The following GOLGA7 variants were observed in gnomAD, a reference collection of about 807,000 sequenced individuals.
GOLGA7 encodes the protein golgin A7.
In GOLGA7, 10 loss-of-function variants were observed where a neutral mutation model predicts 21.1. The ratio of observed to expected loss-of-function variants is 0.47; its 90% CI spans 0.29 to 0.80. GOLGA7 has a LOEUF of 0.80. GOLGA7 is among the 30% of genes least tolerant of loss of function. The pLI, the probability that GOLGA7 is intolerant of heterozygous loss-of-function variation, is 0.08. For missense variants in GOLGA7, 114 were observed against 166.8 expected, an observed-to-expected ratio of 0.68 and a Z score of 1.74; for synonymous variants, 64 against 62.6, an observed-to-expected ratio of 1.02 and a Z score of -0.10.
chr8:41,500,892 A>T (rs1470905781), intron 2 of GOLGA7, among the ~76,000 whole-genome samples: 1 of 152,152 alleles, frequency 6.6e-6, no homozygotes, highest in Non-Finnish European at 1.5e-5. Context: ...GCTCCAAGGG[A>T]TATGTTGATA....
Position 41,491,092 on chromosome 8 carries a change from G to C in GOLGA7, c.111+127G>C, listed in dbSNP as rs1024494741. 1.1e-5 allele frequency: 7 copies of C among 648,592 alleles called. No homozygotes were observed. The African/African-American group carries it at 1.3e-4, about 12-fold the overall frequency. 40.2% of individuals were successfully genotyped at this position (648,592 alleles called of 1,614,324 possible). On this transcript the variant is annotated intron_variant, in intron 1 of 4. Coordinates refer to ENST00000357743, the MANE Select transcript of GOLGA7 (RefSeq NM_001002296.2). ...TCTGGGGAGGTCCAGGCACAGAAGG[G>C]GCCTTGGCCAAACGTGTAAGAAGAG...
chr8:41,509,633 T>G lies in GOLGA7; in HGVS notation c.*65T>G, dbSNP rs182051259. 4.6e-5 allele frequency: 7 copies of G among 152,644 alleles called. No individual in the cohort carries two copies. In the East Asian group the frequency reaches 1.4e-3, roughly 29 times the overall value. 9.5% of individuals were successfully genotyped at this position (152,644 alleles called of 1,614,324 possible). On this transcript the variant is annotated 3_prime_UTR_variant, in exon 5 of 5. Transcript: ENST00000357743. ...ATGTATCCACTGGCCGACCGCAGAG[T>G]GTCCCTACCTCCTCTCCAGAGCATC...
chr8:41,502,439 A>G (rs1029595175), intron 2 of GOLGA7: 28 of 152,228 alleles, frequency 1.8e-4, no homozygotes, highest in African/African-American at 6.5e-4. Context: ...CACTAGAACA[A>G]TCATGCATTT....
At chr8:41,505,716 G>C (rs771342586) in intron 2 of GOLGA7, 195 bp from the exon 3 acceptor site, 14 of 459,676 alleles carry the variant, frequency 3.0e-5, no homozygotes, top group Non-Finnish European at 5.0e-5. Flanking sequence ...TTTTTGACTG[G>C]AAGAGTCCCT....
chr8:41,500,165 T>C (rs955891801), intron 2 of GOLGA7, among the ~76,000 whole-genome samples: 3 of 152,164 alleles, frequency 2.0e-5, no homozygotes, highest in African/African-American at 7.2e-5. Flanking sequence ...TATAATTAAG[T>C]GGTGAAAGCT....
In GOLGA7 at chr8:41,505,979, C is replaced by T; in HGVS notation, c.333C>T (p.Leu111=). 1 of 1,592,500 alleles carries T rather than the reference C, an allele frequency of 6.3e-7. No individual in the cohort carries two copies. Among genetic ancestry groups the T allele is most frequent in the Non-Finnish European group, 8.6e-7 (1 of 1,161,858 alleles). ...NEKIYAPQGL[L]LTDPIERGLR... ...AGATCTATGCTCCACAAGGCCTCCT[C>T]CTGACAGACCCTATTGAGCGAGGAC... Residue 111 remains leucine (L), a synonymous_variant, in exon 3 of 5, where the codon CTC becomes CTT. Coordinates refer to ENST00000357743, the MANE Select transcript of GOLGA7 (RefSeq NM_001002296.2).
At chr8:41,505,756 A>G in intron 2 of GOLGA7, 155 bp from the exon 3 acceptor site, 1 of 512,944 alleles carries the variant, frequency 1.9e-6, no homozygotes, top group Non-Finnish European at 3.5e-6. Context: ...TATGCAACTC[A>G]TGTGAGCCAA....
chr8:41,510,109 T>C lies in GOLGA7; in HGVS notation c.*541T>C, dbSNP rs1806385420. The C allele has an allele frequency of 6.6e-6, 1 of 152,646 alleles. No homozygotes were observed. The highest frequency in any genetic ancestry group is 1.5e-5 in the Non-Finnish European group (1 of 68,042). The allele number at this position is 152,646 out of a possible 1,614,324, so 9.5% of individuals were successfully genotyped here. ...ATTACTGGTTTTACCATGACTCAAA[T>C]CTTAAGATCTGTTTCTACTATTCAG... On this transcript the variant is annotated 3_prime_UTR_variant, in exon 5 of 5. Coordinates refer to ENST00000357743, the MANE Select transcript of GOLGA7 (RefSeq NM_001002296.2).
At chr8:41,499,329 G>T (rs912590968) in intron 2 of GOLGA7, among the ~76,000 whole-genome samples, 1 of 152,158 alleles carries the variant, frequency 6.6e-6, no homozygotes, top group Non-Finnish European at 1.5e-5. Context: ...ATCCATAGGC[G>T]GCTTGTGTTA....
At position 41,497,667 on chromosome 8, in the gene GOLGA7, G is replaced by C; in HGVS notation, c.264+6G>C. On this transcript the variant is annotated splice_donor_region_variant and intron_variant, in intron 2 of 4. Transcript: ENST00000357743. Reference sequence around the variant, plus strand: ...TGGAAACTCATTATGAGAAGGTAATGCTACATTTGTTTTCACAAAAATCTC... The same window carrying C: ...TGGAAACTCATTATGAGAAGGTAATCCTACATTTGTTTTCACAAAAATCTC... The C allele has an allele frequency of 1.4e-6, 2 of 1,475,336 alleles. No homozygotes were observed. The highest frequency in any genetic ancestry group is 1.9e-6 in the Non-Finnish European group (2 of 1,069,020). 91.4% of individuals were successfully genotyped at this position (1,475,336 alleles called of 1,614,324 possible). A position where few individuals can be genotyped will look rare whatever the true frequency, so the allele number is the denominator to read the frequency against.
Position 41,505,993 on chromosome 8 carries a change from T to C in GOLGA7, c.347T>C (p.Ile116Thr). 6.4e-7 allele frequency: 1 copy of C among 1,565,294 alleles called. No homozygotes were observed. The highest frequency in any genetic ancestry group is 8.8e-7 in the Non-Finnish European group (1 of 1,138,596). ...CAAGGCCTCCTCCTGACAGACCCTATTGAGCGAGGACTGCGAGTTGTATCT... is the reference window on the plus strand; with the variant it reads ...CAAGGCCTCCTCCTGACAGACCCTACTGAGCGAGGACTGCGAGTTGTATCT... The part of the protein sequence containing the change: ...APQGLLLTDP[I>T]ERGLRVIEIT... The change falls in exon 3 of 5, where the codon ATT becomes ACT. Residue 116 changes from isoleucine (I) to threonine (T), a missense_variant. Ile to Thr is a moderately conservative substitution (Grantham distance 89). Transcript: ENST00000357743.
At chr8:41,499,987 T>C (rs1164203360) in intron 2 of GOLGA7, among the ~76,000 whole-genome samples, 3 of 152,236 alleles carry the variant, frequency 2.0e-5, no homozygotes, top group Non-Finnish European at 4.4e-5. Flanking sequence ...CAAGGCTCTA[T>C]GTCAGCTTTC....
chr8:41,498,316 C>T (rs1806070041), intron 2 of GOLGA7, among the ~76,000 whole-genome samples: 1 of 152,154 alleles, frequency 6.6e-6, no homozygotes, highest in African/African-American at 2.4e-5. Flanking sequence ...TCTAAACTAT[C>T]TGCTGTTGTT....
chr8:41,508,197 A>G (rs1221240158), intron 4 of GOLGA7, among the ~76,000 whole-genome samples: 1 of 152,238 alleles, frequency 6.6e-6, no homozygotes, highest in Non-Finnish European at 1.5e-5. Flanking sequence ...CAGCAGGAAC[A>G]TGGAGAAAGG....
intron 1 of GOLGA7, among the ~76,000 whole-genome samples, chr8:41,495,909 ATAAAG>A (rs200374549): frequency 0.014 from 2,173 of 152,320 alleles, 25 homozygotes; most frequent in Non-Finnish European, 0.021. Flanking sequence ...TATTGGAAGA[ATAAAG>A]TAAAAGCAGA....
chr8:41,498,811 TGG>T (rs1323191122), intron 2 of GOLGA7, among the ~76,000 whole-genome samples: 6 of 152,334 alleles, frequency 3.9e-5, no homozygotes, highest in Admixed American at 2.0e-4. Context: ...CACCATGCTT[TGG>T]GTATATCAGG....
intron 4 of GOLGA7, among the ~76,000 whole-genome samples, chr8:41,508,029 A>G (rs1806330492): frequency 6.6e-6 from 1 of 152,190 alleles, no homozygotes; most frequent in Admixed American, 6.5e-5. Context: ...GAACCCTACA[A>G]AGTATTTCCC....
At position 41,490,819 on chromosome 8, in the gene GOLGA7, C is replaced by T; in HGVS notation, c.-36C>T. The T allele has an allele frequency of 7.8e-7, 1 of 1,276,222 alleles. No homozygotes were observed. Among genetic ancestry groups the T allele is most frequent in the Non-Finnish European group, 1.1e-6 (1 of 897,298 alleles). 79.1% of individuals were successfully genotyped at this position (1,276,222 alleles called of 1,614,324 possible). A position where few individuals can be genotyped will look rare whatever the true frequency, so the allele number is the denominator to read the frequency against. ...GGGCTCTGACTCGCGGTTGGTGTTC[C>T]CCCGACCCCGCAGCGCGGGGTGTCC... On this transcript the variant is annotated 5_prime_UTR_variant, in exon 1 of 5. Coordinates refer to ENST00000357743, the MANE Select transcript of GOLGA7 (RefSeq NM_001002296.2).
intron 1 of GOLGA7, among the ~76,000 whole-genome samples, chr8:41,495,747 G>A (rs1457775449): frequency 6.6e-6 from 1 of 152,064 alleles, no homozygotes; most frequent in African/African-American, 2.4e-5. Context: ...TAGAAATAAG[G>A]GAATCCTTAT....
Sources: gnomAD v4.1 joint callset for allele counts (sites outside exome capture counted in the v4.1 genomes callset) on GRCh38, gnomAD v4.1.1 for gene constraint, MANE v1.5 for transcripts, NCBI Gene and HGNC (gene_info 2026-07-23, HGNC 2026-07-21) for gene names.